The following KIAA1217 variants were observed in gnomAD, a reference collection of about 807,000 sequenced individuals.
The protein encoded by KIAA1217 is KIAA1217, also known as sickle tail protein homolog.
In KIAA1217, 88 loss-of-function variants were observed where a neutral mutation model predicts 163.9. The observed-to-expected ratio is 0.54, with a 90% CI of 0.45 to 0.64. The LOEUF (loss-of-function observed/expected upper bound fraction) is 0.64. Ranked by LOEUF, KIAA1217 falls within the 30% of genes least tolerant of loss-of-function variation. The pLI, the probability that KIAA1217 is intolerant of heterozygous loss-of-function variation, is 0.00. For synonymous variants in KIAA1217, 903 were observed against 923.1 expected (o/e 0.98, Z 0.39); for missense variants, 2,372 against 2,475.0 (o/e 0.96, Z 0.88).
intron 2 of KIAA1217, among the ~76,000 whole-genome samples, chr10:24,256,234 CACAG>C (rs1194621529): frequency 3.3e-5 from 5 of 152,118 alleles, no homozygotes; most frequent in Non-Finnish European, 5.9e-5. Context: ...CAACTCTGCA[CACAG>C]ACAGTGTTGA....
At chr10:24,130,078 C>G (rs16924318) in intron 2 of KIAA1217, among the ~76,000 whole-genome samples, 1 of 152,276 alleles carries the variant, frequency 6.6e-6, no homozygotes, top group Non-Finnish European at 1.5e-5. Context: ...CACAGAAAAA[C>G]CTTTTTACTC....
chr10:23,769,724 C>G (rs1834712931), intron 1 of KIAA1217, among the ~76,000 whole-genome samples: 1 of 152,210 alleles, frequency 6.6e-6, no homozygotes, highest in African/African-American at 2.4e-5. Context: ...ACTGTACACT[C>G]TCAACCTCAC....
chr10:24,218,488 CT>C (rs60914810), intron 1 of KIAA1217, among the ~76,000 whole-genome samples: 37,513 of 147,078 alleles, frequency 0.26, 5,164 homozygotes, highest in East Asian at 0.34. Context: ...TCGATTGTTA[CT>C]TTTTTTTTTT....
chr10:24,097,288 A>C lies in KIAA1217; in HGVS notation c.-171+89914A>C, dbSNP rs1043930555. On this transcript the variant is annotated intron_variant, in intron 2 of 18. Coordinates refer to the KIAA1217 transcript ENST00000376462. Reference sequence around the variant, plus strand: ...AGCATCTGGCTGGACTCAGTGGTTCATGCCTATAATCCCAGTTACTTAGCA... The same window carrying C: ...AGCATCTGGCTGGACTCAGTGGTTCCTGCCTATAATCCCAGTTACTTAGCA... Among the ~76,000 whole-genome samples the C allele has an allele frequency of 3.9e-5, 6 of 152,370 alleles. No individual in the cohort carries two copies. In the South Asian group the frequency reaches 1.2e-3, roughly 32 times the overall value.
chr10:23,868,225 A>T (rs1182524964), intron 1 of KIAA1217, among the ~76,000 whole-genome samples: 2 of 152,056 alleles, frequency 1.3e-5, no homozygotes, highest in South Asian at 2.1e-4. Context: ...AACCCACAAA[A>T]TAACTCCTGG....
intron 2 of KIAA1217, among the ~76,000 whole-genome samples, chr10:24,320,401 G>T (rs893329072): frequency 6.6e-6 from 1 of 152,182 alleles, no homozygotes; most frequent in Non-Finnish European, 1.5e-5. Flanking sequence ...TAGATCTTGG[G>T]CTGGGAGTGC....
chr10:23,784,254 C>T (rs946434693), intron 1 of KIAA1217, among the ~76,000 whole-genome samples: 4 of 152,150 alleles, frequency 2.6e-5, no homozygotes, highest in Admixed American at 2.6e-4. Flanking sequence ...ATATAGCCAC[C>T]AGTATTCTCT....
chr10:23,782,627 T>A (rs12258699), intron 1 of KIAA1217, among the ~76,000 whole-genome samples: 2,877 of 152,204 alleles, frequency 0.019, 93 homozygotes, highest in African/African-American at 0.066. Context: ...GAGACGGGGT[T>A]TCACCATGTT....
chr10:24,202,965 G>A (rs1487459808), intron 2 of KIAA1217, among the ~76,000 whole-genome samples: 3 of 152,152 alleles, frequency 2.0e-5, no homozygotes, highest in Non-Finnish European at 2.9e-5. Context: ...CAGGGCTGGA[G>A]GATTGTTTGA....
intron 2 of KIAA1217, among the ~76,000 whole-genome samples, chr10:24,367,748 C>T (rs994988381): frequency 1.6e-4 from 25 of 152,200 alleles, no homozygotes; most frequent in Admixed American, 1.4e-3. Context: ...AACTTATATA[C>T]ACCAGGCACT....
intron 1 of KIAA1217, among the ~76,000 whole-genome samples, chr10:23,712,669 T>C (rs7477699): frequency 0.16 from 24,332 of 152,042 alleles, 2,232 homozygotes; most frequent in Middle Eastern, 0.24. Flanking sequence ...AGTTGAGTTT[T>C]CTTTTCATAG....
chr10:24,149,765 C>G (rs925840623), intron 2 of KIAA1217, among the ~76,000 whole-genome samples: 3 of 151,968 alleles, frequency 2.0e-5, no homozygotes, highest in Non-Finnish European at 4.4e-5. Context: ...ATGTTCTCAA[C>G]ACAAAAGAGA....
chr10:24,527,478 G>A (rs2072373728), intron 13 of KIAA1217, among the ~76,000 whole-genome samples: 2 of 146,700 alleles, frequency 1.4e-5, no homozygotes, highest in Admixed American at 6.8e-5. Context: ...CCTGGGCAAC[G>A]TAACAGAACC....
At chr10:24,439,928 A>T (rs2060351469) in intron 5 of KIAA1217, among the ~76,000 whole-genome samples, 1 of 152,200 alleles carries the variant, frequency 6.6e-6, no homozygotes, top group Admixed American at 6.5e-5. Context: ...GGGGACTAGG[A>T]TGCAGACATC....
chr10:24,249,594 G>A (rs1349359063), intron 2 of KIAA1217, among the ~76,000 whole-genome samples: 2 of 152,076 alleles, frequency 1.3e-5, no homozygotes, highest in Non-Finnish European at 2.9e-5. Flanking sequence ...AATCTCAAAT[G>A]TCTTTATTCA....
chr10:23,748,583 G>A (rs141087190), intron 1 of KIAA1217, among the ~76,000 whole-genome samples: 44 of 141,680 alleles, frequency 3.1e-4, no homozygotes, highest in Middle Eastern at 3.4e-3. Context: ...CGGAAGGAAG[G>A]GGGGAGGGAA....
rs147915182 is a variant in KIAA1217 at position 23,941,029 on chromosome 10, C to T, written c.-320-66196C>T. On this transcript the variant is annotated intron_variant, in intron 1 of 18. Transcript: ENST00000376462. ...TTGATAGAGCAGCTCTGTCTGCAGGCGCCTGCAGAGAAAAGTGGTTCAAGT... is the reference window on the plus strand; with the variant it reads ...TTGATAGAGCAGCTCTGTCTGCAGGTGCCTGCAGAGAAAAGTGGTTCAAGT... 5.6e-4 allele frequency among the ~76,000 whole-genome samples: 85 copies of T among 152,200 alleles called. No homozygotes were observed. The East Asian group carries it at 0.013, about 22-fold the overall frequency.
At chr10:24,055,951 T>G (rs1160623773) in intron 2 of KIAA1217, among the ~76,000 whole-genome samples, 2 of 148,194 alleles carry the variant, frequency 1.3e-5, no homozygotes, top group African/African-American at 5.1e-5. Flanking sequence ...CTAAAAACAC[T>G]AAATTTAAAA....
At chr10:24,071,939 A>C (rs1301732066) in intron 2 of KIAA1217, among the ~76,000 whole-genome samples, 1 of 152,218 alleles carries the variant, frequency 6.6e-6, no homozygotes. Context: ...CTTTTAACTT[A>C]GTGTACAGAA....
Sources: allele counts gnomAD v4.1 joint callset (sites outside exome capture counted in the v4.1 genomes callset), GRCh38; gene constraint gnomAD v4.1.1; transcripts MANE v1.5; gene names NCBI Gene and HGNC (gene_info 2026-07-23, HGNC 2026-07-21).